The following SUPT3H variants were observed in gnomAD, a reference collection of about 807,000 sequenced individuals.
SUPT3H encodes SPT3 homolog, SAGA and STAGA complex component.
A neutral mutation model predicts 44.3 loss-of-function variants in SUPT3H; 44 were observed. The ratio of observed to expected loss-of-function variants is 0.99; its 90% CI spans 0.78 to 1.28. The LOEUF is 1.28. Ranked by LOEUF, SUPT3H falls within the 50% of genes most tolerant of loss-of-function variation. The pLI, the probability that SUPT3H is intolerant of heterozygous loss-of-function variation, is 0.00. For missense variants in SUPT3H, 380 were observed against 387.1 expected (o/e 0.98, Z 0.15); for synonymous variants, 124 against 125.6 (o/e 0.99, Z 0.09).
chr6:45,144,632 T>C (rs1171338577), intron 2 of SUPT3H, among the ~76,000 whole-genome samples: 2 of 152,016 alleles, frequency 1.3e-5, no homozygotes, highest in African/African-American at 4.8e-5. Context: ...CTAGTCAACA[T>C]AGTGCTGGAA....
At chr6:45,142,764 A>AAAAAAAAAAAAAAAAAG (rs1805441110) in intron 2 of SUPT3H, among the ~76,000 whole-genome samples, 1 of 127,034 alleles carries the variant, frequency 7.9e-6, no homozygotes, top group Non-Finnish European at 1.7e-5. Flanking sequence ...AAAAAAAAAA[A>AAAAAAAAAAAAAAAAAG]GCAGAATGGC....
rs531246328 is a variant in SUPT3H at position 44,826,874 on chromosome 6, T to TA, written c.*2941dup. ...AGATACAGGAATTATATACACCATTTAAAAAATATTTGTGCTTCTGATGGT... is the reference window on the plus strand; with the variant it reads ...AGATACAGGAATTATATACACCATTTAAAAAAATATTTGTGCTTCTGATGGT... On this transcript the variant is annotated 3_prime_UTR_variant, in exon 11 of 11. Transcript: ENST00000371459. Among the ~76,000 whole-genome samples the TA allele has an allele frequency of 6.6e-6, 1 of 152,140 alleles. No individual in the cohort carries two copies. The highest frequency in any genetic ancestry group is 1.5e-5 in the Non-Finnish European group (1 of 68,006).
intron 10 of SUPT3H, among the ~76,000 whole-genome samples, chr6:44,843,958 C>T (rs1052313361): frequency 7.6e-4 from 100 of 131,924 alleles, no homozygotes; most frequent in South Asian, 1.8e-3. Context: ...CACACACACA[C>T]ATGCACAGAA....
chr6:45,321,936 TATAA>T (rs1426426389), intron 2 of SUPT3H: 13 of 1,054,718 alleles, frequency 1.2e-5, no homozygotes, highest in East Asian at 5.5e-5. Flanking sequence ...TAAAACATAT[TATAA>T]ATAAATACCT....
chr6:45,337,442 A>C (rs1788807685), intron 2 of SUPT3H, among the ~76,000 whole-genome samples: 1 of 151,818 alleles, frequency 6.6e-6, no homozygotes. Context: ...TACAAGGGTT[A>C]CTCTAAAAAT....
At chr6:45,304,289 T>A (rs563536548) in intron 2 of SUPT3H, among the ~76,000 whole-genome samples, 1 of 152,188 alleles carries the variant, frequency 6.6e-6, no homozygotes, top group South Asian at 2.1e-4. Flanking sequence ...AAGTTACTAA[T>A]CTCTACCCAT....
intron 2 of SUPT3H, among the ~76,000 whole-genome samples, chr6:45,229,812 CTATT>C (rs906033648): frequency 6.6e-6 from 1 of 152,004 alleles, no homozygotes; most frequent in Non-Finnish European, 1.5e-5. Context: ...AACATCTTGA[CTATT>C]TATTATTTTT....
At chr6:45,163,487 C>G (rs937486933) in intron 2 of SUPT3H, among the ~76,000 whole-genome samples, 1 of 152,120 alleles carries the variant, frequency 6.6e-6, no homozygotes, top group African/African-American at 2.4e-5. Flanking sequence ...AAAAAACTTA[C>G]GTAAAAGCTG....
At chr6:45,027,621 G>A (rs937293728) in intron 3 of SUPT3H, among the ~76,000 whole-genome samples, 5 of 152,090 alleles carry the variant, frequency 3.3e-5, no homozygotes, top group Non-Finnish European at 5.9e-5. Context: ...TAAAAAATAG[G>A]CACTTAACTA....
intron 3 of SUPT3H, among the ~76,000 whole-genome samples, chr6:45,063,197 GCA>G (rs2153544224): frequency 7.0e-6 from 1 of 143,272 alleles, no homozygotes; most frequent in Non-Finnish European, 1.5e-5. Context: ...CCCAGCAGGG[GCA>G]CACTGACACC....
intron 1 of SUPT3H, among the ~76,000 whole-genome samples, chr6:45,372,774 T>G (rs2150315794): frequency 6.6e-6 from 1 of 152,108 alleles, no homozygotes; most frequent in South Asian, 2.1e-4. Context: ...TCCTCCCACC[T>G]CAGCCTCCCA....
chr6:45,016,409 A>G (rs563949387), intron 4 of SUPT3H, among the ~76,000 whole-genome samples: 75 of 151,440 alleles, frequency 5.0e-4, no homozygotes, highest in African/African-American at 1.7e-3. Context: ...GGTTAGTTAC[A>G]TATGTATACA....
intron 2 of SUPT3H, among the ~76,000 whole-genome samples, chr6:45,140,649 A>C (rs1477160141): frequency 1.3e-5 from 2 of 151,910 alleles, no homozygotes; most frequent in East Asian, 1.9e-4. Context: ...CATAGTGTAA[A>C]TCACTCCCCT....
intron 6 of SUPT3H, among the ~76,000 whole-genome samples, chr6:44,980,548 C>T (rs188626010): frequency 6.6e-6 from 1 of 152,124 alleles, no homozygotes; most frequent in South Asian, 2.1e-4. Context: ...TTTCTTTCTT[C>T]TTGTTTGGTC....
intron 5 of SUPT3H, among the ~76,000 whole-genome samples, chr6:45,011,544 C>T (rs1297484749): frequency 2.0e-5 from 3 of 151,904 alleles, no homozygotes; most frequent in Non-Finnish European, 4.4e-5. Context: ...TACCACTTAC[C>T]TCATTCGTGT....
chr6:44,811,991 T>A (rs1766565874), intron 11 of SUPT3H, among the ~76,000 whole-genome samples: 1 of 152,126 alleles, frequency 6.6e-6, no homozygotes, highest in African/African-American at 2.4e-5. Flanking sequence ...ATTCTGTGAC[T>A]GAACCCTGAC....
intron 10 of SUPT3H, among the ~76,000 whole-genome samples, chr6:44,849,506 C>T (rs976671406): frequency 1.3e-5 from 2 of 152,048 alleles, no homozygotes; most frequent in African/African-American, 2.4e-5. Flanking sequence ...GGATTACAGG[C>T]GTGAGCCACC....
At chr6:45,247,427 T>C (rs1361518108) in intron 2 of SUPT3H, among the ~76,000 whole-genome samples, 1 of 152,202 alleles carries the variant, frequency 6.6e-6, no homozygotes, top group Non-Finnish European at 1.5e-5. Context: ...ACACTGTGAT[T>C]TATTATAAAG....
rs963575286 is a variant in SUPT3H, at chr6:44,918,805, A to G, written c.912+13848T>C. Among the ~76,000 whole-genome samples, 5 of 152,204 alleles carry G rather than the reference A, an allele frequency of 3.3e-5. No individual in the cohort carries two copies. The East Asian group carries it at 9.6e-4, about 29-fold the overall frequency. On this transcript the variant is annotated intron_variant, in intron 10 of 10. Transcript: ENST00000371459. ...ACAAAAGGGGGTCTGGTGCTAACGA[A>G]ATCCACAGATAGCTTACACGCCACT...
Sources: allele counts gnomAD v4.1 joint callset (sites outside exome capture counted in the v4.1 genomes callset), GRCh38; gene constraint gnomAD v4.1.1; transcripts MANE v1.5; gene names NCBI Gene and HGNC (gene_info 2026-07-23, HGNC 2026-07-21).